Variants in ACTA2 observed in about 807,000 individuals in gnomAD.
ACTA2 encodes actin alpha 2, smooth muscle.
Under a neutral mutation model 39.5 loss-of-function variants are expected in ACTA2, and 12 were observed. The ratio of observed to expected loss-of-function variants is 0.30; its 90% CI spans 0.19 to 0.49. The LOEUF is 0.49. Ranked by LOEUF, ACTA2 falls within the 20% of genes least tolerant of loss-of-function variation. The pLI is 0.99. For synonymous variants in ACTA2, 158 were observed against 180.6 expected, an observed-to-expected ratio of 0.88 and a Z score of 1.00; for missense variants, 236 against 498.8, an observed-to-expected ratio of 0.47 and a Z score of 5.02.
intron 3 of ACTA2, among the ~76,000 whole-genome samples, chr10:88,944,515 T>C (rs1344088778): frequency 2.0e-5 from 3 of 152,232 alleles, no homozygotes; most frequent in African/African-American, 7.2e-5. Flanking sequence ...GAAAACCTAA[T>C]TGACACTTTT....
At chr10:88,948,758 A>G (rs779242525) in intron 2 of ACTA2, 44 bp downstream of exon 2, 1 of 1,611,670 alleles carries the variant, frequency 6.2e-7, no homozygotes, top group Non-Finnish European at 8.5e-7. Context: ...ACACAGAGGA[A>G]CCTAATCTGT....
At chr10:88,959,519 C>T (rs150407419) in intron 1 of ACTA2, among the ~76,000 whole-genome samples, 1 of 152,164 alleles carries the variant, frequency 6.6e-6, no homozygotes, top group Non-Finnish European at 1.5e-5. Context: ...CTGGAGAAGA[C>T]CTTAGAGTCA....
At chr10:88,955,147 C>T (rs988274943), upstream of ACTA2, among the ~76,000 whole-genome samples, 2 of 151,990 alleles carry the variant, frequency 1.3e-5, no homozygotes, top group Admixed American at 1.3e-4. Context: ...TTTCCAGACA[C>T]GTTGTTCTGC....
intron 7 of ACTA2, chr10:88,938,503 C>A (rs539356208): frequency 1.7e-5 from 8 of 469,822 alleles, no homozygotes; most frequent in Admixed American, 6.7e-5. Context: ...AATAGACTCA[C>A]TACTCACTCC....
intron 1 of ACTA2, among the ~76,000 whole-genome samples, chr10:88,970,726 G>C (rs928213145): frequency 6.6e-6 from 1 of 152,060 alleles, no homozygotes; most frequent in Non-Finnish European, 1.5e-5. Context: ...TTGTGGGGTG[G>C]GGAGAGCGGG....
At chr10:88,978,927 A>G (rs1215189095) in intron 1 of ACTA2, among the ~76,000 whole-genome samples, 14 of 151,524 alleles carry the variant, frequency 9.2e-5, no homozygotes, top group Non-Finnish European at 1.8e-4. Flanking sequence ...AATAGGAACT[A>G]ATATTCATCA....
At chr10:88,972,057 C>T (rs1257540190) in intron 1 of ACTA2, among the ~76,000 whole-genome samples, 1 of 151,964 alleles carries the variant, frequency 6.6e-6, no homozygotes, top group African/African-American at 2.4e-5. Context: ...TACAGGCTCA[C>T]ACCACCACGC....
At chr10:88,935,958 G>A (rs1267502433) in intron 8 of ACTA2, among the ~76,000 whole-genome samples, 1 of 152,292 alleles carries the variant, frequency 6.6e-6, no homozygotes, top group East Asian at 1.9e-4. Context: ...TGCAAGGCAT[G>A]CTCATGTTTC....
chr10:88,986,349 T>C (rs2133364000), intron 1 of ACTA2, among the ~76,000 whole-genome samples: 1 of 152,264 alleles, frequency 6.6e-6, no homozygotes, highest in African/African-American at 2.4e-5. Context: ...AGGGGAGGGG[T>C]ACTCAATTGG....
chr10:88,976,060 T>C (rs1846555297), intron 1 of ACTA2, among the ~76,000 whole-genome samples: 1 of 152,202 alleles, frequency 6.6e-6, no homozygotes, highest in Non-Finnish European at 1.5e-5. Context: ...AACCATACAT[T>C]ACTATTATCA....
chr10:88,978,254 T>TG (rs1306676422), intron 1 of ACTA2, among the ~76,000 whole-genome samples: 4 of 92,230 alleles, frequency 4.3e-5, no homozygotes, highest in African/African-American at 1.7e-4. Flanking sequence ...TGTTGTGGGG[T>TG]GGGGGGAGGG....
chr10:88,938,683 A>C (rs1292930067), intron 7 of ACTA2, among the ~76,000 whole-genome samples: 1 of 61,808 alleles, frequency 1.6e-5, no homozygotes, highest in Non-Finnish European at 2.9e-5. Context: ...AACTTACTCT[A>C]TTTTTTATCC....
At chr10:88,954,722 C>T (rs1846105991), upstream of ACTA2, among the ~76,000 whole-genome samples, 1 of 152,090 alleles carries the variant, frequency 6.6e-6, no homozygotes, top group African/African-American at 2.4e-5. Context: ...TGGAAGAGGA[C>T]TCAAGGTTTA....
chr10:88,942,812 G>A (rs148777683), intron 4 of ACTA2, among the ~76,000 whole-genome samples: 14 of 151,872 alleles, frequency 9.2e-5, no homozygotes, highest in African/African-American at 3.4e-4. Flanking sequence ...CTCTTGCGAC[G>A]TGCAGTGATT....
At chr10:88,970,063 G>T (rs1846397942) in intron 1 of ACTA2, among the ~76,000 whole-genome samples, 1 of 152,138 alleles carries the variant, frequency 6.6e-6, no homozygotes, top group Non-Finnish European at 1.5e-5. Context: ...ATTTAGATGG[G>T]TTTTAGAGAT....
intron 1 of ACTA2, among the ~76,000 whole-genome samples, chr10:88,964,661 C>A (rs935605548): frequency 1.3e-5 from 2 of 152,068 alleles, no homozygotes; most frequent in African/African-American, 4.8e-5. Context: ...TTTGTATCTA[C>A]TTCTCGATTG....
intron 6 of ACTA2, chr10:88,940,956 A>G (rs918064218): frequency 4.9e-6 from 2 of 405,828 alleles, no homozygotes; most frequent in Non-Finnish European, 9.4e-6. Flanking sequence ...ATCTTCTTCT[A>G]TTTGCTAATG....
rs1231881251 is a variant in ACTA2 at position 88,938,180 on chromosome 10, T to C, written c.871A>G (p.Ile291Val). ...YNSIMKCDID[I>V]RKDLYANNVL... ...TTGTTAGCATAGAGGTCCTTCCTGA[T>C]GTCAATATCACACTTCATGATGCTG... Residue 291 changes from isoleucine to valine, a missense_variant, in exon 8 of 9, where the codon ATC (isoleucine) becomes GTC (valine). Transcript: ENST00000224784. The C allele has an allele frequency of 1.2e-6, 2 of 1,614,034 alleles. No individual in the cohort carries two copies. The highest frequency in any genetic ancestry group is 1.1e-5 in the South Asian group (1 of 91,078).
intron 1 of ACTA2, among the ~76,000 whole-genome samples, chr10:88,966,445 G>A (rs117500560): frequency 3.9e-5 from 6 of 152,264 alleles, no homozygotes; most frequent in Non-Finnish European, 8.8e-5. Flanking sequence ...ATCTATAAGT[G>A]TGTGGGCCTA....
Sources: allele counts gnomAD v4.1 joint callset (sites outside exome capture counted in the v4.1 genomes callset), GRCh38; gene constraint gnomAD v4.1.1; transcripts MANE v1.5; gene names NCBI Gene and HGNC (gene_info 2026-07-23, HGNC 2026-07-21).